BPTF: variants seen among roughly 807,000 people sequenced by gnomAD.
The protein encoded by BPTF is bromodomain PHD finger transcription factor, also known as nucleosome-remodeling factor subunit BPTF.
Under a neutral mutation model 292.5 loss-of-function variants are expected in BPTF, and 18 were observed. That is an observed-to-expected ratio of 0.06 (90% confidence interval 0.04 to 0.09). The LOEUF (loss-of-function observed/expected upper bound fraction) is 0.09, where lower values mean the gene tolerates loss of function less well. Among genes scored for constraint, BPTF ranks in the 10% least tolerant of loss-of-function variants. BPTF has a pLI of 1.00. For missense variants in BPTF, 2,726 were observed against 3,498.7 expected, an observed-to-expected ratio of 0.78 and a Z score of 5.57; for synonymous variants, 1,225 against 1,251.9, an observed-to-expected ratio of 0.98 and a Z score of 0.45.
intron 1 of BPTF, among the ~76,000 whole-genome samples, chr17:67,849,297 C>G (rs2058241726): frequency 1.3e-5 from 2 of 152,180 alleles, no homozygotes; most frequent in African/African-American, 4.8e-5. Flanking sequence ...TTCAGGGCAG[C>G]TTTTCAAACT....
chr17:67,859,499 G>C (rs1431587749), intron 2 of BPTF, among the ~76,000 whole-genome samples: 3 of 152,188 alleles, frequency 2.0e-5, no homozygotes, highest in Non-Finnish European at 4.4e-5. Context: ...AAATCTCAAA[G>C]AGGTTAAATA....
chr17:67,864,527 CAAA>C (rs60272759), intron 2 of BPTF, among the ~76,000 whole-genome samples: 25 of 80,204 alleles, frequency 3.1e-4, no homozygotes, highest in East Asian at 5.7e-4. Flanking sequence ...GACTCCATCA[CAAA>C]AAAAAAAAAA....
chr17:67,945,655 C>G lies in BPTF; in HGVS notation c.6947C>G (p.Thr2316Ser), dbSNP rs782423230. Residue 2316 changes from threonine (T) to serine (S), a missense_variant, in exon 21 of 28, where the codon ACC (threonine) becomes AGC (serine). Thr to Ser is a moderately conservative substitution (Grantham distance 58). Transcript: ENST00000306378. ...CATGTCCCTTCTGAAGCACAACCCA[C>G]CCACGCACAGTCATCCAAGCCCCAA... ...SSHVPSEAQP[T>S]HAQSSKPQVA... 5 of 1,614,110 alleles carry G rather than the reference C, an allele frequency of 3.1e-6. No homozygotes were observed. The South Asian group carries it at 5.5e-5, about 18-fold the overall frequency.
At chr17:67,860,509 T>A (rs114053795) in intron 2 of BPTF, among the ~76,000 whole-genome samples, 1,952 of 152,330 alleles carry the variant, frequency 0.013, 43 homozygotes, top group African/African-American at 0.043. Flanking sequence ...TACATGAATT[T>A]ATAGTCCATC....
Position 67,912,567 on chromosome 17 carries a change from T to C in BPTF, c.4683T>C (p.Phe1561=), listed in dbSNP as rs762710313. Residue 1561 remains phenylalanine, a synonymous_variant, in exon 11 of 28, where the codon TTT becomes TTC. Coordinates refer to ENST00000306378, the MANE Select transcript of BPTF (RefSeq NM_182641.4). The part of the protein sequence containing the change: ...SEEESNLSND[F]IDENGLPINK... ...AGGAATCTAATCTCAGTAATGACTT[T>C]ATTGATGAAAATGGTCTGCCCATCA... The C allele has an allele frequency of 3.1e-6, 5 of 1,613,612 alleles. No homozygotes were observed. The highest frequency in any genetic ancestry group is 1.7e-5 in the Admixed American group (1 of 59,910).
At chr17:67,934,392 C>T (rs2064721851) in intron 18 of BPTF, among the ~76,000 whole-genome samples, 1 of 151,822 alleles carries the variant, frequency 6.6e-6, no homozygotes, top group South Asian at 2.1e-4. Context: ...ATGGCGAGCA[C>T]TTGTAATCCC....
intron 25 of BPTF, 63 bp downstream of exon 25, chr17:67,964,467 TCTAGGATTTCA>T: frequency 1.3e-6 from 2 of 1,504,114 alleles, no homozygotes; most frequent in African/African-American, 2.8e-5. Flanking sequence ...TGGAAGCATT[TCTAGGATTTCA>T]AGTTTCCAAT....
intron 1 of BPTF, among the ~76,000 whole-genome samples, chr17:67,847,425 A>C (rs2058099338): frequency 6.6e-6 from 1 of 152,082 alleles, no homozygotes. Context: ...GAGGCAGAAG[A>C]ATAGCGTGAA....
intron 1 of BPTF, among the ~76,000 whole-genome samples, chr17:67,844,583 T>C (rs936943582): frequency 5.4e-5 from 8 of 147,342 alleles, no homozygotes; most frequent in Non-Finnish European, 1.2e-4. Context: ...GTATTTTTAC[T>C]AGAGACAGAG....
At chr17:67,865,174 A>C (rs1022528331) in intron 2 of BPTF, among the ~76,000 whole-genome samples, 3 of 152,166 alleles carry the variant, frequency 2.0e-5, no homozygotes, top group African/African-American at 7.2e-5. Flanking sequence ...GCATGTTGGC[A>C]CTCAAAAACT....
chr17:67,868,804 TCCTGTGAATTCATG>T (rs1433783681), intron 3 of BPTF, among the ~76,000 whole-genome samples: 1 of 152,232 alleles, frequency 6.6e-6, no homozygotes, highest in African/African-American at 2.4e-5. Flanking sequence ...ACATCAATAT[TCCTGTGAATTCATG>T]CGTATTTTTG....
chr17:67,874,971 C>A lies in BPTF; in HGVS notation c.1815C>A (p.Asp605Glu). 1 of 1,613,748 alleles carries A rather than the reference C, an allele frequency of 6.2e-7. No homozygotes were observed. Among genetic ancestry groups the A allele is most frequent in the Non-Finnish European group, 8.5e-7 (1 of 1,179,862 alleles). The change falls in exon 4 of 28, where the codon GAC becomes GAA. Residue 605 changes from aspartate to glutamate, a missense_variant. Coordinates refer to ENST00000306378, the MANE Select transcript of BPTF (RefSeq NM_182641.4). ...EEFEDQSLEK[D>E]SDDKTPDDDP... Reference sequence around the variant, plus strand: ...TTGAAGACCAGTCCCTTGAAAAAGACAGTGACGACAAAACACCAGATGATG... The same window carrying A: ...TTGAAGACCAGTCCCTTGAAAAAGAAAGTGACGACAAAACACCAGATGATG...
chr17:67,924,972 C>T (rs1416294234), intron 15 of BPTF, among the ~76,000 whole-genome samples: 3 of 151,670 alleles, frequency 2.0e-5, no homozygotes, highest in African/African-American at 7.3e-5. Flanking sequence ...TGGTCTTAAA[C>T]TCCTGGACTC....
chr17:67,937,156 T>G (rs1409851301), intron 18 of BPTF, among the ~76,000 whole-genome samples: 2 of 152,114 alleles, frequency 1.3e-5, no homozygotes, highest in South Asian at 4.1e-4. Flanking sequence ...TATATCATGT[T>G]AAATAATGAA....
rs1249286324 is a variant in BPTF, at chr17:67,854,167, A to T, written c.841A>T (p.Thr281Ser). 5.0e-6 allele frequency: 8 copies of T among 1,614,228 alleles called. No individual in the cohort carries two copies. Among genetic ancestry groups the T allele is most frequent in the Non-Finnish European group, 5.9e-6 (7 of 1,180,044 alleles). Residue 281 changes from threonine to serine, a missense_variant, in exon 2 of 28, where the codon ACA becomes TCA. Around this residue, in one of 22 missense-constraint regions of BPTF, gnomAD observed 102 missense variants for 212.6 expected, o/e 0.48. Coordinates refer to ENST00000306378, the MANE Select transcript of BPTF (RefSeq NM_182641.4). The surrounding 1 kb of genome is among the most constrained non-coding windows in gnomAD (Gnocchi z 5.6). Reference protein sequence around the residue: ...CAALVSQEQCTLMAEMHVVLL... With the variant: ...CAALVSQEQCSLMAEMHVVLL... ...AGCTCTGGTGAGCCAAGAGCAGTGC[A>T]CACTCATGGCAGAGATGCATGTTGT... is the stretch of plus-strand genomic sequence containing the variant.
At chr17:67,924,235 A>C (rs1339825630) in intron 14 of BPTF, among the ~76,000 whole-genome samples, 3 of 151,858 alleles carry the variant, frequency 2.0e-5, no homozygotes, top group Admixed American at 1.3e-4. Flanking sequence ...GATTACAGGC[A>C]TGAGCCACCG....
At chr17:67,868,734 ATGTT>A (rs1168492687) in intron 3 of BPTF, among the ~76,000 whole-genome samples, 1 of 152,200 alleles carries the variant, frequency 6.6e-6, no homozygotes, top group African/African-American at 2.4e-5. Context: ...TAAAAATAGA[ATGTT>A]TATATTTAAT....
intron 23 of BPTF, among the ~76,000 whole-genome samples, chr17:67,954,044 C>T (rs183593818): frequency 1.5e-3 from 199 of 133,296 alleles, no homozygotes; most frequent in East Asian, 6.7e-3. Flanking sequence ...GGGAGTGCAG[C>T]GGTGCAATCA....
intron 10 of BPTF, 30 bp downstream of exon 10, chr17:67,909,791 T>G: frequency 6.8e-7 from 1 of 1,480,414 alleles, no homozygotes; most frequent in East Asian, 2.4e-5. Flanking sequence ...GAGGGCAGCC[T>G]GGGGGTGATA....
Sources: allele counts gnomAD v4.1 joint callset (sites outside exome capture counted in the v4.1 genomes callset), GRCh38; gene constraint gnomAD v4.1.1; regional missense constraint gnomAD v4.1.1; non-coding constraint Gnocchi (gnomAD v3.1); transcripts MANE v1.5; gene names NCBI Gene and HGNC (gene_info 2026-07-23, HGNC 2026-07-21).